The following SOX11 variants were observed in gnomAD, a reference collection of about 807,000 sequenced individuals.
The protein encoded by SOX11 is transcription factor SOX-11.
SOX11 carries 5 observed loss-of-function variants against 16.7 expected under a neutral mutation model. That is an observed-to-expected ratio of 0.30 (90% CI 0.16 to 0.63). SOX11 has a LOEUF of 0.63. Ranked by LOEUF, SOX11 falls within the 20% of genes least tolerant of loss-of-function variation. The probability of loss-of-function intolerance (pLI) is 0.82; values close to 1 mark genes in which losing one functional copy is unlikely to be tolerated. For missense variants in SOX11, 492 were observed against 641.5 expected (o/e 0.77, Z 2.52); for synonymous variants, 363 against 298.8 (o/e 1.21, Z -2.22).
Position 5,693,117 on chromosome 2 carries a change from C to T in SOX11, c.396C>T (p.Pro132=). The change falls in exon 1 of 1, where the codon CCC becomes CCT. Residue 132 remains proline (P), a synonymous_variant. Transcript: ENST00000322002. This position sits in a 1 kb window ranked among gnomAD's most constrained non-coding sequence, Gnocchi z 8.6. The part of the protein sequence containing the change: ...KKPKMDPSAK[P]SASQSPEKSA... The stretch of plus-strand genomic sequence containing the variant: ...CCAAAATGGACCCCTCGGCCAAGCC[C>T]AGCGCCAGCCAGAGCCCAGAGAAGA... 6.2e-7 allele frequency: 1 copy of T among 1,612,188 alleles called. No individual in the cohort carries two copies. Among genetic ancestry groups the T allele is most frequent in the African/African-American group, 1.3e-5 (1 of 75,046 alleles).
At position 5,694,346 on chromosome 2, in the gene SOX11, G is replaced by C. The variant is rs1044345674; in HGVS notation, c.*299G>C. On this transcript the variant is annotated 3_prime_UTR_variant, in exon 1 of 1. Coordinates refer to ENST00000322002, the MANE Select transcript of SOX11 (RefSeq NM_003108.4). ...CCTTCCTTTATCGTGTCTCAAGGTA[G>C]TTGCATACCTAGTCTGGAGTTGTGA... 2 of 436,152 alleles carry C rather than the reference G, an allele frequency of 4.6e-6. No individual in the cohort carries two copies. The highest frequency in any genetic ancestry group is 8.2e-6 in the Non-Finnish European group (2 of 242,484). 27.0% of individuals were successfully genotyped at this position (436,152 alleles called of 1,614,324 possible).
rs1665774638 is a variant in SOX11, at chr2:5,698,148, ATATT to A, written c.*4104_*4107del. On this transcript the variant is annotated 3_prime_UTR_variant, in exon 1 of 1. Coordinates refer to ENST00000322002, the MANE Select transcript of SOX11 (RefSeq NM_003108.4). ...AGGCGCTTCAATGCGCTTTTTAACA[ATATT>A]TAAGGCTGTTTTGATGAGTGCGTTG... 1 of 167,122 alleles carries A rather than the reference ATATT, an allele frequency of 6.0e-6. No individual in the cohort carries two copies. The highest frequency in any genetic ancestry group is 1.5e-5 in the Non-Finnish European group (1 of 68,130). 10.4% of individuals were successfully genotyped at this position (167,122 alleles called of 1,614,324 possible).
In SOX11 at chr2:5,694,133, T is replaced by TG. The variant is rs1480245671; in HGVS notation, c.*86_*87insG. On this transcript the variant is annotated 3_prime_UTR_variant, in exon 1 of 1. Coordinates refer to ENST00000322002, the MANE Select transcript of SOX11 (RefSeq NM_003108.4). ...GTTGTAGTGGTGATGATGATGATGATAATGATGATGATGATGGTGGTGTTG... is the reference window on the plus strand; with the variant it reads ...GTTGTAGTGGTGATGATGATGATGATGAATGATGATGATGATGGTGGTGTTG... 5.3e-5 allele frequency: 77 copies of TG among 1,446,408 alleles called. No homozygotes were observed. Among genetic ancestry groups the TG allele is most frequent in the South Asian group, 7.2e-5 (5 of 69,556 alleles). The allele number at this position is 1,446,408 out of a possible 1,614,324, so 89.6% of individuals were successfully genotyped here.
rs1249037917 is a variant in SOX11 at position 5,698,638 on chromosome 2, G to A, written c.*4591G>A. On this transcript the variant is annotated 3_prime_UTR_variant, in exon 1 of 1. Transcript: ENST00000322002. The stretch of plus-strand genomic sequence containing the variant: ...TATGTTATGAATGACTACAGACACT[G>A]GGCAAATTATTTGTAGAATGATTAT... 1 of 167,024 alleles carries A rather than the reference G, an allele frequency of 6.0e-6. No individual in the cohort carries two copies. The highest frequency in any genetic ancestry group is 2.4e-5 in the African/African-American group (1 of 41,438). 10.3% of individuals were successfully genotyped at this position (167,024 alleles called of 1,614,324 possible). A position where few individuals can be genotyped will look rare whatever the true frequency, so the allele number is the denominator to read the frequency against.
In SOX11 at chr2:5,700,436, G is replaced by C. The variant is rs1572220612; in HGVS notation, c.*6389G>C. On this transcript the variant is annotated 3_prime_UTR_variant, in exon 1 of 1. Transcript: ENST00000322002. ...TTCCCCTTCCAAAAAAAAAAAAAAG[G>C]ACAACTGGAAGTAATTTATCATATA... 2 of 112,872 alleles carry C rather than the reference G, an allele frequency of 1.8e-5. No individual in the cohort carries two copies. 7.0% of individuals were successfully genotyped at this position (112,872 alleles called of 1,614,324 possible). A position where few individuals can be genotyped will look rare whatever the true frequency, so the allele number is the denominator to read the frequency against.
chr2:5,693,792 C>A lies in SOX11; in HGVS notation c.1071C>A (p.Asp357Glu). 2 of 1,558,706 alleles carry A rather than the reference C, an allele frequency of 1.3e-6. No homozygotes were observed. The highest frequency in any genetic ancestry group is 1.9e-5 in the Admixed American group (1 of 52,094). Reference sequence around the variant, plus strand: ...GCAGCAGCGGCAGCAGCGGCGAGGACGCCGACGACCTGATGTTCGACCTGA... The same window carrying A: ...GCAGCAGCGGCAGCAGCGGCGAGGAAGCCGACGACCTGATGTTCGACCTGA... ...SGSSSGSSGE[D>E]ADDLMFDLSL... The change falls in exon 1 of 1, where the codon GAC becomes GAA. Residue 357 changes from aspartate to glutamate, a missense_variant. Physicochemically the swap from Asp to Glu is conservative, Grantham distance 45. Transcript: ENST00000322002. The surrounding 1 kb of genome is among the most constrained non-coding windows in gnomAD (Gnocchi z 8.6).
Position 5,693,317 on chromosome 2 carries a change from T to C in SOX11, c.596T>C (p.Val199Ala). Reference protein sequence around the residue: ...GDYGGAGDDYVLGSLRVSGSG... With the variant: ...GDYGGAGDDYALGSLRVSGSG... ...TACGGGGGCGCGGGCGACGACTACG[T>C]GCTGGGCAGCCTGCGCGTGAGCGGC... Residue 199 changes from valine to alanine, a missense_variant, in exon 1 of 1, where the codon GTG becomes GCG. Transcript: ENST00000322002. The surrounding 1 kb of genome is among the most constrained non-coding windows in gnomAD (Gnocchi z 8.6). 1 of 1,581,028 alleles carries C rather than the reference T, an allele frequency of 6.3e-7. No homozygotes were observed. The highest frequency in any genetic ancestry group is 8.5e-7 in the Non-Finnish European group (1 of 1,172,850).
At position 5,693,465 on chromosome 2, in the gene SOX11, G is replaced by A. The variant is rs750764796; in HGVS notation, c.744G>A (p.Glu248=). 4 of 1,589,090 alleles carry A rather than the reference G, an allele frequency of 2.5e-6. No individual in the cohort carries two copies. Among genetic ancestry groups the A allele is most frequent in the South Asian group, 1.1e-5 (1 of 89,734 alleles). ...QIKQEPDEED[E]EPPHQQLLQP... is the part of the protein sequence containing the mutation. ...AACAGGAGCCGGACGAGGAGGACGA[G>A]GAACCACCGCACCAGCAGCTCCTGC... The change falls in exon 1 of 1, where the codon GAG becomes GAA. Residue 248 remains glutamate, a synonymous_variant. Transcript: ENST00000322002. This position sits in a 1 kb window ranked among gnomAD's most constrained non-coding sequence, Gnocchi z 8.6.
rs557141376 is a variant in SOX11, at chr2:5,692,421, C to T, written c.-301C>T. On this transcript the variant is annotated 5_prime_UTR_variant, in exon 1 of 1. Coordinates refer to ENST00000322002, the MANE Select transcript of SOX11 (RefSeq NM_003108.4). ...CGCGCGCCTGGGAGAGCTCGGGGTC[C>T]GGCGCTTGCGGTAGGAGCCACGAGC... 2.6e-5 allele frequency among the ~76,000 whole-genome samples: 4 copies of T among 152,044 alleles called. No individual in the cohort carries two copies. The highest frequency in any genetic ancestry group is 9.7e-5 in the African/African-American group (4 of 41,438).
Position 5,694,500 on chromosome 2 carries a change from G to C in SOX11, c.*453G>C, listed in dbSNP as rs999587104. Reference sequence around the variant, plus strand: ...CCCGCTCCGGAAGGCGCTGTTTGAAGCTTGTCGGTCTTTGAAGTCTGGAAG... The same window carrying C: ...CCCGCTCCGGAAGGCGCTGTTTGAACCTTGTCGGTCTTTGAAGTCTGGAAG... On this transcript the variant is annotated 3_prime_UTR_variant, in exon 1 of 1. Transcript: ENST00000322002. The C allele has an allele frequency of 6.3e-6, 2 of 318,746 alleles. No individual in the cohort carries two copies. The highest frequency in any genetic ancestry group is 4.3e-5 in the African/African-American group (2 of 46,458). 19.7% of individuals were successfully genotyped at this position (318,746 alleles called of 1,614,324 possible).
chr2:5,693,657 C>T lies in SOX11; in HGVS notation c.936C>T (p.Tyr312=). 1.9e-6 allele frequency: 3 copies of T among 1,596,566 alleles called. No homozygotes were observed. The highest frequency in any genetic ancestry group is 1.7e-6 in the Non-Finnish European group (2 of 1,177,480). Residue 312 remains tyrosine, a synonymous_variant, in exon 1 of 1, where the codon TAC becomes TAT. Transcript: ENST00000322002. The surrounding 1 kb of genome is among the most constrained non-coding windows in gnomAD (Gnocchi z 8.6). ...GCGCCGGGGGCGGCAGCCGCCTCTACTACAGCTTCAAGAACATCACCAAGC... is the reference window on the plus strand; with the variant it reads ...GCGCCGGGGGCGGCAGCCGCCTCTATTACAGCTTCAAGAACATCACCAAGC... ...TSGAGGGSRL[Y]YSFKNITKQH...
In SOX11 at chr2:5,694,873, G is replaced by T; in HGVS notation, c.*826G>T. On this transcript the variant is annotated 3_prime_UTR_variant, in exon 1 of 1. Transcript: ENST00000322002. ...GGTTTTACAAATGTGATTTCTACTTGCCAACTTTTTTTTTGTAACTTGTTC... is the reference window on the plus strand; with the variant it reads ...GGTTTTACAAATGTGATTTCTACTTTCCAACTTTTTTTTTGTAACTTGTTC... The T allele has an allele frequency of 6.1e-6, 1 of 164,898 alleles. No homozygotes were observed. The allele number at this position is 164,898 out of a possible 1,614,324, so 10.2% of individuals were successfully genotyped here.
In SOX11 at chr2:5,698,163, T is replaced by A. The variant is rs967423628; in HGVS notation, c.*4116T>A. On this transcript the variant is annotated 3_prime_UTR_variant, in exon 1 of 1. Coordinates refer to ENST00000322002, the MANE Select transcript of SOX11 (RefSeq NM_003108.4). The stretch of plus-strand genomic sequence containing the variant: ...CTTTTTAACAATATTTAAGGCTGTT[T>A]TGATGAGTGCGTTGTGAGAATCATC... 1.2e-5 allele frequency: 2 copies of A among 167,164 alleles called. No individual in the cohort carries two copies. Among genetic ancestry groups the A allele is most frequent in the Admixed American group, 1.3e-4 (2 of 15,294 alleles). The allele number at this position is 167,164 out of a possible 1,614,324, so 10.4% of individuals were successfully genotyped here.
At position 5,692,923 on chromosome 2, in the gene SOX11, A is replaced by G; in HGVS notation, c.202A>G (p.Met68Val). 6.2e-7 allele frequency: 1 copy of G among 1,614,112 alleles called. No homozygotes were observed. Among genetic ancestry groups the G allele is most frequent in the East Asian group, 2.2e-5 (1 of 44,854 alleles). ...GTCCAAGATCGAACGCAGGAAGATC[A>G]TGGAGCAGTCTCCGGACATGCACAA... ...VWSKIERRKI[M>V]EQSPDMHNAE... The change falls in exon 1 of 1, where the codon ATG (methionine) becomes GTG (valine). Residue 68 changes from methionine (M) to valine (V), a missense_variant. By Grantham distance (21) the Met-to-Val change is conservative. Coordinates refer to ENST00000322002, the MANE Select transcript of SOX11 (RefSeq NM_003108.4).
In SOX11 at chr2:5,693,592, G is replaced by A. The variant is rs1665677103; in HGVS notation, c.871G>A (p.Ala291Thr). The A allele has an allele frequency of 6.4e-6, 10 of 1,562,130 alleles. No individual in the cohort carries two copies. Among genetic ancestry groups the A allele is most frequent in the Non-Finnish European group, 8.6e-6 (10 of 1,161,516 alleles). Residue 291 changes from alanine (A) to threonine (T), a missense_variant, in exon 1 of 1, where the codon GCG (alanine) becomes ACG (threonine). Physicochemically the swap from Ala to Thr is moderately conservative, Grantham distance 58 (BLOSUM62 0). This residue lies in a region of SOX11 where 389 missense variants were observed against 389.0 expected (regional missense o/e 1.00). Coordinates refer to ENST00000322002, the MANE Select transcript of SOX11 (RefSeq NM_003108.4). This position sits in a 1 kb window ranked among gnomAD's most constrained non-coding sequence, Gnocchi z 8.6. ...CAGCTCGGCGGAGTCCCCCGAGGGA[G>A]CGAGCCTCTACGACGAGGTGCGGGC... Reference protein sequence around the residue: ...LSSSAESPEGASLYDEVRAGA... With the variant: ...LSSSAESPEGTSLYDEVRAGA...
rs1665698490 is a variant in SOX11 at position 5,694,661 on chromosome 2, ATTTAATTT to A, written c.*618_*625del. 1 of 131,454 alleles carries A rather than the reference ATTTAATTT, an allele frequency of 7.6e-6. No homozygotes were observed. The highest frequency in any genetic ancestry group is 3.1e-5 in the African/African-American group (1 of 32,302). 8.1% of individuals were successfully genotyped at this position (131,454 alleles called of 1,614,324 possible). On this transcript the variant is annotated 3_prime_UTR_variant, in exon 1 of 1. Transcript: ENST00000322002. ...AAAGGGACCATTGCAACTTTTGTTA[ATTTAATTT>A]TTTTTTTTTTTTTTTTTTTTTTTTT...
At position 5,697,323 on chromosome 2, in the gene SOX11, A is replaced by C. The variant is rs189177387; in HGVS notation, c.*3276A>C. 3.4e-4 allele frequency: 56 copies of C among 167,062 alleles called. No individual in the cohort carries two copies. In the East Asian group the frequency reaches 9.6e-3, roughly 29 times the overall value. 10.3% of individuals were successfully genotyped at this position (167,062 alleles called of 1,614,324 possible). A position where few individuals can be genotyped will look rare whatever the true frequency, so the allele number is the denominator to read the frequency against. On this transcript the variant is annotated 3_prime_UTR_variant, in exon 1 of 1. Transcript: ENST00000322002. ...GAGGTTTGGCCTTCCATTTTTACTG[A>C]GATTTGGCGAGACCGAATGGAAGCG...
chr2:5,692,764 C>T lies in SOX11; in HGVS notation c.43C>T (p.Pro15Ser), dbSNP rs1164202412. ...AESLEAESNL[P>S]REALDTEEGE... is the part of the protein sequence containing the mutation. ...GAGCTTGGAAGCGGAGAGCAACCTG[C>T]CCCGGGAGGCGCTGGACACGGAGGA... Residue 15 changes from proline to serine, a missense_variant, in exon 1 of 1, where the codon CCC (proline) becomes TCC (serine). Physicochemically the swap from Pro to Ser is moderately conservative, Grantham distance 74 (BLOSUM62 -1). This residue lies in a region of SOX11 where 44 missense variants were observed against 48.5 expected (regional missense o/e 0.91). Transcript: ENST00000322002. 1 of 1,609,114 alleles carries T rather than the reference C, an allele frequency of 6.2e-7. No individual in the cohort carries two copies. Among genetic ancestry groups the T allele is most frequent in the Non-Finnish European group, 8.5e-7 (1 of 1,177,042 alleles).
In SOX11 at chr2:5,694,619, A is replaced by AT. The variant is rs5829021; in HGVS notation, c.*581dup. On this transcript the variant is annotated 3_prime_UTR_variant, in exon 1 of 1. Coordinates refer to ENST00000322002, the MANE Select transcript of SOX11 (RefSeq NM_003108.4). ...CTTAAGAGAACTTAAAGAACTGGTG[A>AT]TTTTTTTTTAACAAAAAAAGGGACC... 0.12 allele frequency: 15,340 copies of AT among 127,468 alleles called. 937 individuals are homozygous for AT. The highest frequency in any genetic ancestry group is 0.25 in the Admixed American group (2,852 of 11,190). 7.9% of individuals were successfully genotyped at this position (127,468 alleles called of 1,614,324 possible). A position where few individuals can be genotyped will look rare whatever the true frequency, so the allele number is the denominator to read the frequency against.
Sources: gnomAD v4.1 joint callset for allele counts (sites outside exome capture counted in the v4.1 genomes callset) on GRCh38, gnomAD v4.1.1 for gene constraint, gnomAD v4.1.1 regional missense constraint, Gnocchi (gnomAD v3.1) non-coding constraint, MANE v1.5 for transcripts, NCBI Gene and HGNC (gene_info 2026-07-23, HGNC 2026-07-21) for gene names.